SLC35F1: variants seen among roughly 807,000 people sequenced by gnomAD.
SLC35F1 encodes solute carrier family 35 member F1, also known as chromosome 6 open reading frame 169.
SLC35F1 carries 14 observed loss-of-function variants against 48.7 expected under a neutral mutation model. The observed-to-expected ratio is 0.29, with a 90% CI of 0.19 to 0.45. The LOEUF (loss-of-function observed/expected upper bound fraction) is 0.45, where lower values mean the gene tolerates loss of function less well. Among genes scored for constraint, SLC35F1 ranks in the 20% least tolerant of loss-of-function variants. SLC35F1 has a pLI of 1.00. For missense variants in SLC35F1, 404 were observed against 500.0 expected (o/e 0.81, Z 1.83); for synonymous variants, 190 against 202.2 (o/e 0.94, Z 0.51).
intron 7 of SLC35F1, among the ~76,000 whole-genome samples, chr6:118,296,283 T>G (rs1287828549): frequency 6.6e-6 from 1 of 152,218 alleles, no homozygotes; most frequent in Non-Finnish European, 1.5e-5. Context: ...CCTTAAGAAG[T>G]CTGCCCATGC....
chr6:118,302,524 C>T (rs990588174), intron 7 of SLC35F1, among the ~76,000 whole-genome samples: 3 of 152,092 alleles, frequency 2.0e-5, no homozygotes, highest in African/African-American at 7.2e-5. Flanking sequence ...TCTCACCATG[C>T]CCATCTTCCT....
chr6:118,196,672 C>A (rs532124862), intron 2 of SLC35F1, among the ~76,000 whole-genome samples: 1 of 151,900 alleles, frequency 6.6e-6, no homozygotes, highest in African/African-American at 2.4e-5. Context: ...GCCAAAATTG[C>A]GCCACTGCAC....
chr6:118,207,022 C>T (rs890051650), intron 2 of SLC35F1, among the ~76,000 whole-genome samples: 1 of 152,152 alleles, frequency 6.6e-6, no homozygotes, highest in Non-Finnish European at 1.5e-5. Context: ...GGCTTCCTTT[C>T]CTTACCCTTA....
intron 1 of SLC35F1, among the ~76,000 whole-genome samples, chr6:118,147,696 C>G (rs1397291679): frequency 1.3e-5 from 2 of 152,092 alleles, no homozygotes; most frequent in African/African-American, 2.4e-5. Context: ...ATAAAACATA[C>G]AGCATCCATG....
At chr6:117,970,487 C>T (rs1435084333) in intron 1 of SLC35F1, among the ~76,000 whole-genome samples, 1 of 152,142 alleles carries the variant, frequency 6.6e-6, no homozygotes, top group Non-Finnish European at 1.5e-5. Context: ...TACAGATTTT[C>T]CTTGTCAGCT....
At chr6:118,226,603 G>A (rs752732527) in intron 2 of SLC35F1, among the ~76,000 whole-genome samples, 1 of 152,100 alleles carries the variant, frequency 6.6e-6, no homozygotes, top group Non-Finnish European at 1.5e-5. Context: ...AATAAGCCAA[G>A]CATAGAAAGA....
At chr6:118,097,755 A>C (rs2114358020) in intron 1 of SLC35F1, among the ~76,000 whole-genome samples, 1 of 152,336 alleles carries the variant, frequency 6.6e-6, no homozygotes, top group African/African-American at 2.4e-5. Flanking sequence ...CAGTTAAACA[A>C]AGTACTATCC....
intron 1 of SLC35F1, among the ~76,000 whole-genome samples, chr6:118,050,231 G>T (rs1381873198): frequency 6.6e-6 from 1 of 151,970 alleles, no homozygotes; most frequent in Non-Finnish European, 1.5e-5. Flanking sequence ...GGGAGGAGGG[G>T]GGAGGGATAG....
intron 1 of SLC35F1, among the ~76,000 whole-genome samples, chr6:117,965,675 CAT>C (rs1327659066): frequency 6.6e-6 from 1 of 152,180 alleles, no homozygotes; most frequent in South Asian, 2.1e-4. Flanking sequence ...GCTGACATAA[CAT>C]AGTACCACAG....
At chr6:117,916,052 A>G (rs1441219812) in intron 1 of SLC35F1, among the ~76,000 whole-genome samples, 7 of 152,216 alleles carry the variant, frequency 4.6e-5, no homozygotes, top group Non-Finnish European at 1.0e-4. Context: ...TCCAGGGCCT[A>G]GGGTGCTGAG....
At chr6:118,034,102 T>G (rs1334970547) in intron 1 of SLC35F1, among the ~76,000 whole-genome samples, 1 of 152,222 alleles carries the variant, frequency 6.6e-6, no homozygotes, top group Non-Finnish European at 1.5e-5. Context: ...CTTTTTGCCA[T>G]AAACTTGTTA....
At chr6:118,192,474 A>G (rs552291769) in intron 2 of SLC35F1, among the ~76,000 whole-genome samples, 1 of 152,250 alleles carries the variant, frequency 6.6e-6, no homozygotes, top group South Asian at 2.1e-4. Context: ...AAGACACCAT[A>G]TTCTAGGATT....
chr6:118,254,180 A>G (rs1414073815), intron 3 of SLC35F1, among the ~76,000 whole-genome samples: 1 of 152,212 alleles, frequency 6.6e-6, no homozygotes, highest in Non-Finnish European at 1.5e-5. Flanking sequence ...ACCTGGATGT[A>G]GAGTATTCAC....
At chr6:118,015,909 T>C (rs561967029) in intron 1 of SLC35F1, among the ~76,000 whole-genome samples, 1 of 152,322 alleles carries the variant, frequency 6.6e-6, no homozygotes, top group Non-Finnish European at 1.5e-5. Flanking sequence ...AAATAGACAG[T>C]GTCTCTTATA....
intron 2 of SLC35F1, among the ~76,000 whole-genome samples, chr6:118,201,944 T>G (rs1774878210): frequency 6.6e-6 from 1 of 152,250 alleles, no homozygotes; most frequent in Admixed American, 6.5e-5. Flanking sequence ...TATTATCACT[T>G]CATTCCTTTT....
chr6:118,129,595 C>T (rs764803749), intron 1 of SLC35F1, among the ~76,000 whole-genome samples: 32 of 151,906 alleles, frequency 2.1e-4, no homozygotes, highest in African/African-American at 5.3e-4. Flanking sequence ...AGGGTGTTGG[C>T]GGTTGCTGTA....
Position 118,250,254 on chromosome 6 carries a change from G to A in SLC35F1, c.477+14618G>A, listed in dbSNP as rs116699282. Among the ~76,000 whole-genome samples, 774 of 152,162 alleles carry A rather than the reference G, an allele frequency of 5.1e-3. 8 individuals carry two copies. Among genetic ancestry groups the A allele is most frequent in the African/African-American group, 0.018 (736 of 41,512 alleles). ...CTCCATAGTTCTTATCACCACTGAC[G>A]TAACTAATTTTACTTAATTGGCTGT... On this transcript the variant is annotated intron_variant, in intron 3 of 7. Transcript: ENST00000360388.
intron 6 of SLC35F1, among the ~76,000 whole-genome samples, chr6:118,278,665 A>G (rs1889468): frequency 0.091 from 13,796 of 152,306 alleles, 643 homozygotes; most frequent in Middle Eastern, 0.15. Flanking sequence ...TTAAATGAAA[A>G]TCAACAGGGC....
At chr6:117,979,586 A>G (rs948770249) in intron 1 of SLC35F1, among the ~76,000 whole-genome samples, 2 of 152,166 alleles carry the variant, frequency 1.3e-5, no homozygotes, top group East Asian at 3.9e-4. Context: ...TATGTTCCCA[A>G]TCCTGCTGTG....
Sources: gnomAD v4.1 joint callset for allele counts (sites outside exome capture counted in the v4.1 genomes callset) on GRCh38, gnomAD v4.1.1 for gene constraint, MANE v1.5 for transcripts, NCBI Gene and HGNC (gene_info 2026-07-23, HGNC 2026-07-21) for gene names.